The following FEM1C variants were observed in gnomAD, a reference collection of about 807,000 sequenced individuals.
FEM1C encodes protein fem-1 homolog C.
In FEM1C, 15 loss-of-function variants were observed where a neutral mutation model predicts 37.6. The observed-to-expected ratio is 0.40, with a 90% CI of 0.27 to 0.61. The LOEUF (loss-of-function observed/expected upper bound fraction) is 0.61. FEM1C is among the 20% of genes least tolerant of loss of function. The probability of loss-of-function intolerance (pLI) is 0.42; values close to 1 mark genes in which losing one functional copy is unlikely to be tolerated. For missense variants in FEM1C, 532 were observed against 749.7 expected (o/e 0.71, Z 3.39); for synonymous variants, 287 against 272.8 (o/e 1.05, Z -0.51).
intron 2 of FEM1C, among the ~76,000 whole-genome samples, chr5:115,532,400 A>G (rs1275768184): frequency 6.6e-6 from 1 of 152,112 alleles, no homozygotes; most frequent in Non-Finnish European, 1.5e-5. Context: ...TCAAAAAGTA[A>G]TATCCTAGAA....
Position 115,524,250 on chromosome 5 carries a change from T to C in FEM1C, c.*58A>G. ...GCTGGTGTTATCACAACAGTGCTCA[T>C]TTATGAAACAACTGTTACCAATTCG... On this transcript the variant is annotated 3_prime_UTR_variant, in exon 3 of 3. Transcript: ENST00000274457. The C allele has an allele frequency of 7.1e-7, 1 of 1,406,864 alleles. No homozygotes were observed. The highest frequency in any genetic ancestry group is 1.0e-6 in the Non-Finnish European group (1 of 1,000,072). 87.1% of individuals were successfully genotyped at this position (1,406,864 alleles called of 1,614,324 possible).
At chr5:115,530,214 C>T (rs867947994) in intron 2 of FEM1C, among the ~76,000 whole-genome samples, 1 of 151,718 alleles carries the variant, frequency 6.6e-6, no homozygotes. Context: ...AAAAAATGCC[C>T]TTTGCAAAAA....
At position 115,521,811 on chromosome 5, in the gene FEM1C, C is replaced by T. The variant is rs1341904791; in HGVS notation, c.*2497G>A. On this transcript the variant is annotated 3_prime_UTR_variant, in exon 3 of 3. Coordinates refer to ENST00000274457, the MANE Select transcript of FEM1C (RefSeq NM_020177.3). ...TTGTGAGAATACTTTCTGACAAAGG[C>T]TTTATCAGTGTCACATTTATGAAAC... is the stretch of plus-strand genomic sequence containing the variant. 6.6e-6 allele frequency: 1 copy of T among 151,752 alleles called. No individual in the cohort carries two copies. Among genetic ancestry groups the T allele is most frequent in the Non-Finnish European group, 1.5e-5 (1 of 67,804 alleles). The allele number at this position is 151,752 out of a possible 1,614,324, so 9.4% of individuals were successfully genotyped here. A position where few individuals can be genotyped will look rare whatever the true frequency, so the allele number is the denominator to read the frequency against.
chr5:115,533,677 T>C (rs566882459), intron 2 of FEM1C, among the ~76,000 whole-genome samples: 1 of 152,050 alleles, frequency 6.6e-6, no homozygotes, highest in South Asian at 2.1e-4. Context: ...TCCCAAAGAT[T>C]TTCCATCTCC....
At chr5:115,531,428 AATATTGG>A in intron 2 of FEM1C, among the ~76,000 whole-genome samples, 1 of 152,252 alleles carries the variant, frequency 6.6e-6, no homozygotes, top group Middle Eastern at 3.4e-3. Context: ...AGTAAAGTTT[AATATTGG>A]ATATTCAAGG....
rs143093254 is a variant in FEM1C at position 115,540,061 on chromosome 5, A to G, written c.544+2889T>C. Among the ~76,000 whole-genome samples, 679 of 152,214 alleles carry G rather than the reference A, an allele frequency of 4.5e-3. 9 individuals are homozygous for G. Among genetic ancestry groups the G allele is most frequent in the African/African-American group, 0.015 (633 of 41,550 alleles). ...ACAAAATGTCCTAAGGAATTATTCT[A>G]ATTTAACTCTAGTCTTATTAATCTT... On this transcript the variant is annotated intron_variant, in intron 2 of 2. Coordinates refer to ENST00000274457, the MANE Select transcript of FEM1C (RefSeq NM_020177.3).
At position 115,525,227 on chromosome 5, in the gene FEM1C, A is replaced by G. The variant is rs751555170; in HGVS notation, c.935T>C (p.Ile312Thr). 1.2e-6 allele frequency: 2 copies of G among 1,613,470 alleles called. No homozygotes were observed. The highest frequency in any genetic ancestry group is 1.3e-5 in the African/African-American group (1 of 74,888). The part of the protein sequence containing the change: ...VNSAEELEGL[I>T]ADPDEMRMQA... The stretch of plus-strand genomic sequence containing the variant: ...CATTCTCATCTCATCAGGATCAGCA[A>G]TAAGACCTTCTAGCTCTTCTGCACT... The change falls in exon 3 of 3, where the codon ATT becomes ACT. Residue 312 changes from isoleucine to threonine, a missense_variant. Coordinates refer to ENST00000274457, the MANE Select transcript of FEM1C (RefSeq NM_020177.3).
chr5:115,538,858 C>T (rs1473793738), intron 2 of FEM1C, among the ~76,000 whole-genome samples: 4 of 151,968 alleles, frequency 2.6e-5, no homozygotes, highest in Admixed American at 6.6e-5. Context: ...CACAGATCCA[C>T]ATCCCAATAA....
At chr5:115,528,401 G>GA (rs1395930529) in intron 2 of FEM1C, among the ~76,000 whole-genome samples, 8 of 152,104 alleles carry the variant, frequency 5.3e-5, no homozygotes, top group African/African-American at 1.7e-4. Flanking sequence ...GCCTTGCAGG[G>GA]ATAGAGGGGA....
intron 2 of FEM1C, among the ~76,000 whole-genome samples, chr5:115,541,148 A>C (rs1486702198): frequency 6.6e-6 from 1 of 152,148 alleles, no homozygotes; most frequent in Non-Finnish European, 1.5e-5. Flanking sequence ...TCAGTAGAAG[A>C]GTATGCAGCT....
intron 2 of FEM1C, among the ~76,000 whole-genome samples, chr5:115,535,051 G>A (rs73780315): frequency 0.056 from 8,451 of 151,806 alleles, 732 homozygotes; most frequent in African/African-American, 0.19. Flanking sequence ...TTTACTCTAA[G>A]TTTAACCATA....
At chr5:115,539,237 G>T (rs1285136528) in intron 2 of FEM1C, among the ~76,000 whole-genome samples, 2 of 152,010 alleles carry the variant, frequency 1.3e-5, no homozygotes, top group African/African-American at 4.8e-5. Context: ...ACTGAATCAA[G>T]AACTTTTAGC....
rs1753812668 is a variant in FEM1C at position 115,523,274 on chromosome 5, T to C, written c.*1034A>G. The stretch of plus-strand genomic sequence containing the variant: ...TGCCACTGACATGCTTTAGCTCTTT[T>C]TGTAACTAAAAGTGATTTGCAGTTC... On this transcript the variant is annotated 3_prime_UTR_variant, in exon 3 of 3. Coordinates refer to ENST00000274457, the MANE Select transcript of FEM1C (RefSeq NM_020177.3). 1 of 152,474 alleles carries C rather than the reference T, an allele frequency of 6.6e-6. No individual in the cohort carries two copies. Among genetic ancestry groups the C allele is most frequent in the South Asian group, 2.1e-4 (1 of 4,834 alleles). The allele number at this position is 152,474 out of a possible 1,614,324, so 9.4% of individuals were successfully genotyped here.
intron 2 of FEM1C, among the ~76,000 whole-genome samples, chr5:115,540,709 A>G (rs1365007676): frequency 6.6e-6 from 1 of 152,116 alleles, no homozygotes; most frequent in Non-Finnish European, 1.5e-5. Flanking sequence ...ATATCTCCAC[A>G]AGTACATAAA....
At position 115,543,323 on chromosome 5, in the gene FEM1C, C is replaced by T; in HGVS notation, c.171G>A (p.Val57=). The change falls in exon 2 of 3, where the codon GTG becomes GTA. Residue 57 remains valine, a synonymous_variant. Transcript: ENST00000274457. ...CACTGCATTGCTCTAGGAGGAATTCCACCATGTCAAGGTGCCCATACCTGG... is the reference window on the plus strand; with the variant it reads ...CACTGCATTGCTCTAGGAGGAATTCTACCATGTCAAGGTGCCCATACCTGG... ...MAARYGHLDM[V]EFLLEQCSAS... The T allele has an allele frequency of 6.2e-7, 1 of 1,614,210 alleles. No homozygotes were observed. Among genetic ancestry groups the T allele is most frequent in the Non-Finnish European group, 8.5e-7 (1 of 1,180,044 alleles).
chr5:115,541,784 G>A (rs1754246574), intron 2 of FEM1C, among the ~76,000 whole-genome samples: 1 of 152,040 alleles, frequency 6.6e-6, no homozygotes, highest in South Asian at 2.1e-4. Flanking sequence ...AATAAATAAA[G>A]ATAAAAAAGT....
chr5:115,534,844 A>G (rs1720115055), intron 2 of FEM1C, among the ~76,000 whole-genome samples: 1 of 151,970 alleles, frequency 6.6e-6, no homozygotes, highest in Admixed American at 6.6e-5. Flanking sequence ...GCTGGATCCA[A>G]GTGATACCTA....
chr5:115,537,850 A>G (rs923287419), intron 2 of FEM1C, among the ~76,000 whole-genome samples: 1 of 152,084 alleles, frequency 6.6e-6, no homozygotes, highest in Non-Finnish European at 1.5e-5. Context: ...AGATAGTACT[A>G]AAGTATACTA....
Position 115,522,666 on chromosome 5 carries a change from C to G in FEM1C, c.*1642G>C, listed in dbSNP as rs1753799794. 1 of 152,200 alleles carries G rather than the reference C, an allele frequency of 6.6e-6. No individual in the cohort carries two copies. Among genetic ancestry groups the G allele is most frequent in the Admixed American group, 6.6e-5 (1 of 15,212 alleles). 9.4% of individuals were successfully genotyped at this position (152,200 alleles called of 1,614,324 possible). A position where few individuals can be genotyped will look rare whatever the true frequency, so the allele number is the denominator to read the frequency against. ...GATGACTCCTTAAATAGTGTAACAT[C>G]AACCCTCAGAATAAAATGTCAACAC... On this transcript the variant is annotated 3_prime_UTR_variant, in exon 3 of 3. Transcript: ENST00000274457.
Sources: gnomAD v4.1 joint callset for allele counts (sites outside exome capture counted in the v4.1 genomes callset) on GRCh38, gnomAD v4.1.1 for gene constraint, MANE v1.5 for transcripts, NCBI Gene and HGNC (gene_info 2026-07-23, HGNC 2026-07-21) for gene names.